Variants in ZFR observed in about 807,000 individuals in gnomAD.
ZFR encodes the protein zinc finger RNA binding protein.
ZFR carries 19 observed loss-of-function variants against 130.7 expected under a neutral mutation model. The ratio of observed to expected loss-of-function variants is 0.15; its 90% CI spans 0.10 to 0.21. ZFR has a LOEUF of 0.21. Ranked by LOEUF, ZFR falls within the 10% of genes least tolerant of loss-of-function variation. The probability of loss-of-function intolerance (pLI) is 1.00; values close to 1 mark genes in which losing one functional copy is unlikely to be tolerated. For missense variants in ZFR, 872 were observed against 1,321.5 expected (o/e 0.66, Z 5.27); for synonymous variants, 466 against 456.9 (o/e 1.02, Z -0.25).
At position 32,377,938 on chromosome 5, in the gene ZFR, G is replaced by A. The variant is rs953674941; in HGVS notation, c.2835+1177C>T. ...AACTCCTGACCTCAGTGATCCGCCCGCCTCGGCCTCCCAAAGTGTTGGGAT... is the reference window on the plus strand; with the variant it reads ...AACTCCTGACCTCAGTGATCCGCCCACCTCGGCCTCCCAAAGTGTTGGGAT... On this transcript the variant is annotated intron_variant, in intron 17 of 19. Coordinates refer to ENST00000265069, the MANE Select transcript of ZFR (RefSeq NM_016107.5). 8.5e-5 allele frequency among the ~76,000 whole-genome samples: 13 copies of A among 152,210 alleles called. No individual in the cohort carries two copies. The South Asian group carries it at 1.5e-3, about 17-fold the overall frequency.
chr5:32,408,313 TAAAAAAAA>T (rs781068231), intron 5 of ZFR, among the ~76,000 whole-genome samples: 7 of 71,254 alleles, frequency 9.8e-5, no homozygotes, highest in African/African-American at 3.2e-4. Flanking sequence ...AACGTTTGAT[TAAAAAAAA>T]AAAAAAAAAA....
At chr5:32,427,738 A>G (rs1754107397) in intron 2 of ZFR, among the ~76,000 whole-genome samples, 1 of 152,352 alleles carries the variant, frequency 6.6e-6, no homozygotes, top group South Asian at 2.1e-4. Context: ...ATTTCAAACT[A>G]TGATAATCAA....
At chr5:32,424,054 A>G (rs1308708298) in intron 2 of ZFR, among the ~76,000 whole-genome samples, 1 of 152,186 alleles carries the variant, frequency 6.6e-6, no homozygotes, top group Non-Finnish European at 1.5e-5. Context: ...CCAAGAAAAC[A>G]TGGGATCCTG....
chr5:32,405,769 A>G (rs1324808323), intron 6 of ZFR, among the ~76,000 whole-genome samples: 1 of 152,160 alleles, frequency 6.6e-6, no homozygotes, highest in Admixed American at 6.5e-5. Context: ...CTGCCAACCA[A>G]GCAATCCACA....
At chr5:32,392,659 G>T (rs1039168746) in intron 11 of ZFR, among the ~76,000 whole-genome samples, 15 of 152,166 alleles carry the variant, frequency 9.9e-5, no homozygotes, top group African/African-American at 3.4e-4. Context: ...GACACCAAGT[G>T]GTCCCGGAGA....
rs753328516 is a variant in ZFR, at chr5:32,397,321, T to G, written c.1731A>C (p.Gly577=). Residue 577 remains glycine, a synonymous_variant, in exon 10 of 20, where the codon GGA becomes GGC. Transcript: ENST00000265069. ...DYVEEVRNDE[G]KVIRFHCKLC... is the part of the protein sequence containing the mutation. ...ATTTACAATGGAACCGAATTACTTT[T>G]CCTTCATCATTTCGTACCTTGGTGT... 4.3e-6 allele frequency: 7 copies of G among 1,612,878 alleles called. No individual in the cohort carries two copies. The South Asian group carries it at 4.4e-5, about 10-fold the overall frequency.
chr5:32,364,111 C>T (rs1461740862), intron 18 of ZFR, 53 bp downstream of exon 18: 2 of 1,596,588 alleles, frequency 1.3e-6, no homozygotes, highest in Non-Finnish European at 1.7e-6. Flanking sequence ...AATTATTCAA[C>T]CAGCAAATGA....
Position 32,364,252 on chromosome 5 carries a change from T to C in ZFR, c.2859A>G (p.Lys953=), listed in dbSNP as rs1752492443. The C allele has an allele frequency of 6.2e-7, 1 of 1,609,440 alleles. No homozygotes were observed. Among genetic ancestry groups the C allele is most frequent in the East Asian group, 2.2e-5 (1 of 44,726 alleles). The change falls in exon 18 of 20, where the codon AAA becomes AAG. Residue 953 remains lysine (K), a synonymous_variant. Coordinates refer to ENST00000265069, the MANE Select transcript of ZFR (RefSeq NM_016107.5). ...GAGGGCTAGAAGCACTGCTGATTGC[T>C]TTCTCTACTAGTAACTCCATAGCCT... The part of the protein sequence containing the change: ...PSWAMELLVE[K]AISSASSPQS...
chr5:32,387,765 C>T (rs1753072765), intron 13 of ZFR, 66 bp from the exon 14 acceptor site: 1 of 1,426,548 alleles, frequency 7.0e-7, no homozygotes. Context: ...ATTCTGTAAA[C>T]ATACAATAGT....
chr5:32,395,104 A>G (rs912954412), intron 11 of ZFR, 55 bp downstream of exon 11: 66 of 1,491,002 alleles, frequency 4.4e-5, no homozygotes, highest in Non-Finnish European at 5.9e-5. Context: ...AGAATGGCTA[A>G]GTTTTTAAGA....
intron 17 of ZFR, among the ~76,000 whole-genome samples, chr5:32,378,803 CAA>C (rs1208278070): frequency 5.3e-5 from 8 of 151,210 alleles, no homozygotes; most frequent in Middle Eastern, 3.5e-3. Flanking sequence ...AACAGTTCTT[CAA>C]AGTCTTCTTT....
chr5:32,417,924 G>T, intron 3 of ZFR, 132 bp from the exon 4 acceptor site: 1 of 822,530 alleles, frequency 1.2e-6, no homozygotes, highest in Non-Finnish European at 1.9e-6. Flanking sequence ...AAACATAAAA[G>T]AATCAAATTA....
At chr5:32,368,497 A>C (rs1004356503) in intron 17 of ZFR, among the ~76,000 whole-genome samples, 4 of 152,196 alleles carry the variant, frequency 2.6e-5, no homozygotes, top group Non-Finnish European at 5.9e-5. Flanking sequence ...CAGCCTCCCA[A>C]AGTGCTAAGA....
chr5:32,427,886 T>C (rs1157942886), intron 2 of ZFR, among the ~76,000 whole-genome samples: 6 of 152,178 alleles, frequency 3.9e-5, no homozygotes, highest in Admixed American at 3.9e-4. Flanking sequence ...TCTCAACAAA[T>C]GGTGTTAGGA....
At chr5:32,389,651 A>G (rs1245023128) in intron 12 of ZFR, among the ~76,000 whole-genome samples, 2 of 152,190 alleles carry the variant, frequency 1.3e-5, no homozygotes, top group Non-Finnish European at 2.9e-5. Context: ...ACAAGAAAAA[A>G]AATTAGTTGT....
intron 17 of ZFR, among the ~76,000 whole-genome samples, chr5:32,366,452 A>C (rs1013110134): frequency 6.6e-6 from 1 of 152,238 alleles, no homozygotes; most frequent in Non-Finnish European, 1.5e-5. Flanking sequence ...TTATACCAGC[A>C]GGTAAAAGCA....
intron 2 of ZFR, among the ~76,000 whole-genome samples, chr5:32,438,327 G>T (rs998881864): frequency 7.4e-6 from 1 of 135,462 alleles, no homozygotes; most frequent in Non-Finnish European, 1.5e-5. Context: ...GCAATGGCGC[G>T]ATCTTGGCTC....
chr5:32,404,391 G>A, intron 6 of ZFR, among the ~76,000 whole-genome samples: 1 of 152,154 alleles, frequency 6.6e-6, no homozygotes, highest in East Asian at 1.9e-4. Context: ...TTATATAAAT[G>A]TTGGACAGAG....
chr5:32,390,835 C>T (rs1037528246), intron 11 of ZFR, among the ~76,000 whole-genome samples: 1 of 152,178 alleles, frequency 6.6e-6, no homozygotes, highest in Non-Finnish European at 1.5e-5. Context: ...TTTCCTATGT[C>T]TCTACTATGA....
Sources: gnomAD v4.1 joint callset for allele counts (sites outside exome capture counted in the v4.1 genomes callset) on GRCh38, gnomAD v4.1.1 for gene constraint, MANE v1.5 for transcripts, NCBI Gene and HGNC (gene_info 2026-07-23, HGNC 2026-07-21) for gene names.